Variants in IFT140 observed in about 807,000 individuals in gnomAD.
IFT140 encodes the protein intraflagellar transport 140.
A neutral mutation model predicts 164.6 loss-of-function variants in IFT140; 133 were observed. That is an observed-to-expected ratio of 0.81 (90% confidence interval 0.70 to 0.93). The LOEUF is 0.93. IFT140 is among the 40% of genes least tolerant of loss of function. The probability of loss-of-function intolerance (pLI) is 0.00; values close to 1 mark genes in which losing one functional copy is unlikely to be tolerated. For synonymous variants in IFT140, 860 were observed against 817.3 expected, an observed-to-expected ratio of 1.05 and a Z score of -0.89; for missense variants, 2,045 against 1,972.3, an observed-to-expected ratio of 1.04 and a Z score of -0.70.
In IFT140 at chr16:1,511,106, G is replaced by C. The variant is rs143920103; in HGVS notation, c.4227C>G (p.Ala1409=). 114 of 1,610,574 alleles carry C rather than the reference G, an allele frequency of 7.1e-5. No homozygotes were observed. The African/African-American group carries it at 1.3e-3, about 19-fold the overall frequency. Residue 1409 remains alanine (A), a synonymous_variant, in exon 31 of 31, where the codon GCC becomes GCG. Transcript: ENST00000426508. Reference sequence around the variant, plus strand: ...GCGGGCTCACGTAGTAGGACATGTTGGCCAAGGGAAGCCGCCGCCGCATCT... The same window carrying C: ...GCGGGCTCACGTAGTAGGACATGTTCGCCAAGGGAAGCCGCCGCCGCATCT... ...LEEMRRRLPL[A]NMSYYVSPQA... is the part of the protein sequence containing the mutation.
intron 19 of IFT140, 21 bp from the exon 20 acceptor site, chr16:1,526,817 G>T: frequency 6.3e-7 from 1 of 1,599,242 alleles, no homozygotes; most frequent in Non-Finnish European, 8.5e-7. Flanking sequence ...ACGGGGGTCT[G>T]TGAGGCTCCT....
chr16:1,566,035 C>T (rs1046424078), intron 16 of IFT140, 126 bp downstream of exon 16: 1 of 825,854 alleles, frequency 1.2e-6, no homozygotes, highest in African/African-American at 1.7e-5. Flanking sequence ...TTTCCTCTTT[C>T]TTTTTCCTAC....
At chr16:1,530,751 G>T (rs142700555) in intron 19 of IFT140, 2,213 of 152,432 alleles carry the variant, frequency 0.015, 25 homozygotes, top group Non-Finnish European at 0.022. Flanking sequence ...CCCGCAGGCC[G>T]GCCCTGGTTT....
At position 1,536,274 on chromosome 16, in the gene IFT140, C is replaced by T. The variant is rs190265545; in HGVS notation, c.2400-9478G>A. ...CTCCAGTCACAGGGCCGCGTGTAGC[C>T]TCTGGCACGACCTATGCATCCGTCC... is the stretch of plus-strand genomic sequence containing the variant. On this transcript the variant is annotated intron_variant, in intron 19 of 30. Coordinates refer to ENST00000426508, the MANE Select transcript of IFT140 (RefSeq NM_014714.4). Among the ~76,000 whole-genome samples the T allele has an allele frequency of 2.0e-3, 300 of 152,290 alleles. 2 individuals carry two copies. The highest frequency in any genetic ancestry group is 3.4e-3 in the Non-Finnish European group (228 of 68,004).
rs1347873209 is a variant in IFT140 at position 1,558,057 on chromosome 16, C to T, written c.2277G>A (p.Leu759=). Residue 759 remains leucine, a synonymous_variant, in exon 19 of 31, where the codon CTG becomes CTA. Transcript: ENST00000426508. ...HIPQMVSRRP[L]RDFVGLEDCD... ...AGTCCTCCAGCCCCACAAAGTCTCG[C>T]AGGGGTCTCCTGGACACCATCTGAG... is the stretch of plus-strand genomic sequence containing the variant. 2 of 1,613,994 alleles carry T rather than the reference C, an allele frequency of 1.2e-6. No individual in the cohort carries two copies. Among genetic ancestry groups the T allele is most frequent in the Admixed American group, 1.7e-5 (1 of 60,000 alleles).
intron 29 of IFT140, 110 bp from the exon 30 acceptor site, chr16:1,518,467 G>A (rs1214485083): frequency 2.8e-6 from 3 of 1,054,016 alleles, no homozygotes; most frequent in East Asian, 2.8e-5. Flanking sequence ...AATGGCAGGA[G>A]GAAACTTTCT....
intron 9 of IFT140, among the ~76,000 whole-genome samples, chr16:1,586,638 C>T (rs1349373589): frequency 1.3e-5 from 2 of 152,208 alleles, no homozygotes. Flanking sequence ...CACACACACA[C>T]ACACACACAC....
chr16:1,521,873 G>T (rs2040537102), intron 26 of IFT140, among the ~76,000 whole-genome samples: 1 of 138,862 alleles, frequency 7.2e-6, no homozygotes, highest in African/African-American at 2.8e-5. Context: ...AAAAAAAACA[G>T]TAATAACCCA....
intron 13 of IFT140, among the ~76,000 whole-genome samples, chr16:1,574,465 G>A (rs1444405879): frequency 6.6e-6 from 1 of 152,006 alleles, no homozygotes; most frequent in Non-Finnish European, 1.5e-5. Context: ...TTTTTTTGCA[G>A]AGACGAGGTC....
chr16:1,550,405 CTA>C (rs1359266828), intron 19 of IFT140, among the ~76,000 whole-genome samples: 2 of 152,240 alleles, frequency 1.3e-5, no homozygotes, highest in Admixed American at 1.3e-4. Context: ...TTTTCAAAAG[CTA>C]TGACACTGAT....
chr16:1,587,171 C>T, intron 9 of IFT140, 27 bp downstream of exon 9: 7 of 1,434,312 alleles, frequency 4.9e-6, no homozygotes, highest in Non-Finnish European at 6.9e-6. Context: ...GGTTCTGTTT[C>T]TCTTGTGCCA....
At chr16:1,588,118 C>T in intron 7 of IFT140, 94 bp from the exon 8 acceptor site, 1 of 914,906 alleles carries the variant, frequency 1.1e-6, no homozygotes, top group South Asian at 1.5e-5. Flanking sequence ...TCAGTGACTT[C>T]ATGGAGACTC....
chr16:1,538,424 C>A (rs1465629772), intron 19 of IFT140, among the ~76,000 whole-genome samples: 1 of 152,226 alleles, frequency 6.6e-6, no homozygotes, highest in Admixed American at 6.5e-5. Context: ...ACCACAACTA[C>A]ACGTGCAGCT....
intron 17 of IFT140, among the ~76,000 whole-genome samples, chr16:1,563,679 A>C (rs1176747038): frequency 6.6e-6 from 1 of 152,160 alleles, no homozygotes; most frequent in Non-Finnish European, 1.5e-5. Flanking sequence ...TCGAGGTTAC[A>C]GTGACGCTGC....
At chr16:1,606,132 T>G (rs143383908) in intron 3 of IFT140, among the ~76,000 whole-genome samples, 10 of 152,216 alleles carry the variant, frequency 6.6e-5, no homozygotes, top group Non-Finnish European at 1.5e-4. Context: ...CACCTGATTT[T>G]GGAGTTCTCG....
chr16:1,516,908 GAC>G (rs370317108), intron 30 of IFT140, among the ~76,000 whole-genome samples: 296 of 152,182 alleles, frequency 1.9e-3, no homozygotes, highest in African/African-American at 6.7e-3. Flanking sequence ...ATCAGAGTGA[GAC>G]ACTGCAGAAG....
At chr16:1,542,188 T>G (rs2031717993) in intron 19 of IFT140, 2 of 1,215,164 alleles carry the variant, frequency 1.6e-6, no homozygotes, top group East Asian at 2.8e-5. Flanking sequence ...AGGCCATACC[T>G]CTCAACATGG....
chr16:1,539,063 G>A (rs1468060360), intron 19 of IFT140, among the ~76,000 whole-genome samples: 1 of 151,258 alleles, frequency 6.6e-6, no homozygotes, highest in Non-Finnish European at 1.5e-5. Flanking sequence ...CCACGCCTCA[G>A]GCCTCAGCAA....
At chr16:1,576,181 G>A (rs893875819) in intron 13 of IFT140, among the ~76,000 whole-genome samples, 23 of 151,686 alleles carry the variant, frequency 1.5e-4, no homozygotes, top group Non-Finnish European at 3.1e-4. Context: ...AGCTACTCGG[G>A]AGGCTGAGAA....
Sources: gnomAD v4.1 joint callset for allele counts (sites outside exome capture counted in the v4.1 genomes callset) on GRCh38, gnomAD v4.1.1 for gene constraint, MANE v1.5 for transcripts, NCBI Gene and HGNC (gene_info 2026-07-23, HGNC 2026-07-21) for gene names.